Variants in MPDZ observed in about 807,000 individuals in gnomAD.
The protein encoded by MPDZ is multiple PDZ domain protein.
In MPDZ, 234 loss-of-function variants were observed where a neutral mutation model predicts 239.1. The observed-to-expected ratio is 0.98, with a 90% CI of 0.88 to 1.09. The LOEUF (loss-of-function observed/expected upper bound fraction) is 1.09, where lower values mean the gene tolerates loss of function less well. MPDZ is among the 50% of genes least tolerant of loss of function. The pLI, the probability that MPDZ is intolerant of heterozygous loss-of-function variation, is 0.00. For synonymous variants in MPDZ, 1,048 were observed against 881.3 expected (o/e 1.19, Z -3.35); for missense variants, 3,175 against 2,510.0 (o/e 1.26, Z -5.66).
chr9:13,161,001 T>C (rs114565019), intron 23 of MPDZ, among the ~76,000 whole-genome samples: 1,795 of 151,386 alleles, frequency 0.012, 39 homozygotes, highest in African/African-American at 0.042. Flanking sequence ...GGATTGAGCA[T>C]CTGTGGATTT....
At chr9:13,142,134 AC>A (rs1048312039) in intron 27 of MPDZ, among the ~76,000 whole-genome samples, 3 of 152,168 alleles carry the variant, frequency 2.0e-5, no homozygotes, top group African/African-American at 7.2e-5. Flanking sequence ...AAAAGGTAAA[AC>A]AAAAGCTAAT....
At chr9:13,275,312 A>C (rs1973917422) in intron 1 of MPDZ, among the ~76,000 whole-genome samples, 1 of 152,228 alleles carries the variant, frequency 6.6e-6, no homozygotes. Context: ...TGGTTCCCTT[A>C]TAAAAAATTA....
intron 45 of MPDZ, among the ~76,000 whole-genome samples, chr9:13,109,701 G>A (rs1252155823): frequency 6.6e-6 from 1 of 152,154 alleles, no homozygotes; most frequent in African/African-American, 2.4e-5. Flanking sequence ...AATCAGAGCT[G>A]AAACCATGGG....
Position 13,176,249 on chromosome 9 carries a change from T to C in MPDZ, c.2818A>G (p.Ile940Val), listed in dbSNP as rs139791147. 3,978 of 1,608,040 alleles carry C rather than the reference T, an allele frequency of 2.5e-3. 6 individuals are homozygous for C. Among genetic ancestry groups the C allele is most frequent in the Admixed American group, 3.8e-3 (224 of 59,406 alleles). The stretch of plus-strand genomic sequence containing the variant: ...TTTTCACATTCATATTGTTGTTCAA[T>C]AGCATTTGCAGGTGTGTAGTCATTT... The part of the protein sequence containing the change: ...TINDYTPANA[I>V]EQQYECENTI... Residue 940 changes from isoleucine (I) to valine (V), a missense_variant, in exon 20 of 47, where the codon ATT (isoleucine) becomes GTT (valine). Coordinates refer to ENST00000319217, the MANE Select transcript of MPDZ (RefSeq NM_001378778.1).
At chr9:13,246,032 A>G (rs963031204) in intron 3 of MPDZ, among the ~76,000 whole-genome samples, 1 of 128,200 alleles carries the variant, frequency 7.8e-6, no homozygotes, top group African/African-American at 3.0e-5. Flanking sequence ...TTAAGAATAG[A>G]AGATATCTGT....
At chr9:13,159,833 G>C (rs1950255102) in intron 23 of MPDZ, among the ~76,000 whole-genome samples, 1 of 152,138 alleles carries the variant, frequency 6.6e-6, no homozygotes, top group Non-Finnish European at 1.5e-5. Context: ...TATAGGTGCT[G>C]ATTATTGTTT....
At chr9:13,121,999 A>G (rs2131615840) in intron 37 of MPDZ, 67 bp from the exon 38 acceptor site, 1 of 1,595,602 alleles carries the variant, frequency 6.3e-7, no homozygotes, top group Non-Finnish European at 8.6e-7. Context: ...TGGGGAAGGG[A>G]AGAGAGAGAA....
intron 37 of MPDZ, 31 bp from the exon 38 acceptor site, chr9:13,121,963 A>T: frequency 6.2e-7 from 1 of 1,605,986 alleles, no homozygotes; most frequent in Non-Finnish European, 8.5e-7. Flanking sequence ...GACTGTAAGG[A>T]ACATGAGAAG....
chr9:13,109,333 T>C (rs1211508192), intron 45 of MPDZ, among the ~76,000 whole-genome samples: 1 of 152,036 alleles, frequency 6.6e-6, no homozygotes, highest in Non-Finnish European at 1.5e-5. Flanking sequence ...CATGTTCTCA[T>C]TGTACAGAGA....
chr9:13,233,331 G>A (rs1025447476), intron 3 of MPDZ, among the ~76,000 whole-genome samples: 5 of 151,990 alleles, frequency 3.3e-5, no homozygotes, highest in African/African-American at 1.2e-4. Flanking sequence ...TATTCAAACA[G>A]AAAATGAAAA....
intron 36 of MPDZ, among the ~76,000 whole-genome samples, chr9:13,122,428 A>T (rs187717907): frequency 6.6e-6 from 1 of 152,322 alleles, no homozygotes; most frequent in East Asian, 1.9e-4. Flanking sequence ...GCATACATAG[A>T]TGAGAGATAA....
At chr9:13,201,079 G>T (rs1426735166) in intron 12 of MPDZ, among the ~76,000 whole-genome samples, 3 of 151,594 alleles carry the variant, frequency 2.0e-5, no homozygotes, top group Middle Eastern at 3.2e-3. Context: ...AATATATTTG[G>T]GTGCTCTGAT....
chr9:13,180,365 T>A (rs1953117632), intron 19 of MPDZ, among the ~76,000 whole-genome samples: 1 of 152,134 alleles, frequency 6.6e-6, no homozygotes, highest in South Asian at 2.1e-4. Flanking sequence ...AAGTAATTCC[T>A]GGCAGAACTG....
chr9:13,115,267 C>G lies in MPDZ; in HGVS notation c.5447G>C (p.Arg1816Thr). ...IKAGPFHSERRPSQSSQVSEG... is the reference protein window; with the variant it reads ...IKAGPFHSERTPSQSSQVSEG... ...ACCCACCTGGCTGCTTTGAGATGGC[C>G]TCCTCTCTGAATGGAATGGACCAGC... The change falls in exon 40 of 47, where the codon AGG (arginine) becomes ACG (threonine). Residue 1816 changes from arginine (R) to threonine (T), a missense_variant. Physicochemically the swap from Arg to Thr is moderately conservative, Grantham distance 71. Transcript: ENST00000319217. The G allele has an allele frequency of 6.2e-7, 1 of 1,612,660 alleles. No homozygotes were observed. Among genetic ancestry groups the G allele is most frequent in the East Asian group, 2.2e-5 (1 of 44,852 alleles).
At chr9:13,227,671 G>C (rs886725441) in intron 3 of MPDZ, among the ~76,000 whole-genome samples, 19 of 152,098 alleles carry the variant, frequency 1.2e-4, no homozygotes, top group Admixed American at 2.6e-4. Context: ...TAAGAGTAAA[G>C]TGAGTGAGAG....
intron 2 of MPDZ, among the ~76,000 whole-genome samples, chr9:13,249,693 T>C (rs985586856): frequency 2.0e-5 from 3 of 152,216 alleles, no homozygotes; most frequent in African/African-American, 7.2e-5. Context: ...GATAATTGCA[T>C]GTATTGTACC....
At chr9:13,220,500 T>A (rs1158221110) in intron 7 of MPDZ, among the ~76,000 whole-genome samples, 1 of 151,976 alleles carries the variant, frequency 6.6e-6, no homozygotes, top group Non-Finnish European at 1.5e-5. Context: ...TATTGAAGAG[T>A]GCAGCTCCAC....
intron 25 of MPDZ, among the ~76,000 whole-genome samples, chr9:13,150,280 T>G (rs1211905154): frequency 6.6e-6 from 1 of 151,828 alleles, no homozygotes; most frequent in South Asian, 2.1e-4. Flanking sequence ...AAATTACGTA[T>G]GAAAATAAAC....
chr9:13,157,099 G>A (rs956130614), intron 24 of MPDZ, among the ~76,000 whole-genome samples: 5 of 152,020 alleles, frequency 3.3e-5, no homozygotes, highest in Non-Finnish European at 7.4e-5. Context: ...TGGTGGGCAG[G>A]GGACGTCATT....
Sources: allele counts gnomAD v4.1 joint callset (sites outside exome capture counted in the v4.1 genomes callset), GRCh38; gene constraint gnomAD v4.1.1; transcripts MANE v1.5; gene names NCBI Gene and HGNC (gene_info 2026-07-23, HGNC 2026-07-21).